RAD51B: variants seen among roughly 807,000 people sequenced by gnomAD.
RAD51B encodes the protein RAD51 paralog B.
In RAD51B, 38 loss-of-function variants were observed where a neutral mutation model predicts 42.2. That is an observed-to-expected ratio of 0.90 (90% CI 0.70 to 1.18). The LOEUF is 1.18. RAD51B is among the 50% of genes most tolerant of loss of function. RAD51B has a pLI of 0.00. For missense variants in RAD51B, 373 were observed against 400.7 expected (o/e 0.93, Z 0.59); for synonymous variants, 154 against 145.2 (o/e 1.06, Z -0.43).
chr14:68,499,534 T>A (rs1884776095), intron 10 of RAD51B, among the ~76,000 whole-genome samples: 1 of 152,180 alleles, frequency 6.6e-6, no homozygotes, highest in African/African-American at 2.4e-5. Flanking sequence ...AAAAGATACG[T>A]CCATGTCCTT....
intron 10 of RAD51B, among the ~76,000 whole-genome samples, chr14:68,503,892 A>G (rs1460504214): frequency 6.6e-6 from 1 of 152,206 alleles, no homozygotes; most frequent in Non-Finnish European, 1.5e-5. Flanking sequence ...TGAAATTAAT[A>G]GCTAACAAAG....
intron 7 of RAD51B, among the ~76,000 whole-genome samples, chr14:68,044,933 T>TA (rs1217859743): frequency 2.0e-5 from 3 of 152,036 alleles, no homozygotes; most frequent in African/African-American, 7.2e-5. Flanking sequence ...CTGATGCTAT[T>TA]ACGTTTTAGA....
At chr14:68,181,053 A>G (rs1321160918) in intron 7 of RAD51B, among the ~76,000 whole-genome samples, 1 of 152,208 alleles carries the variant, frequency 6.6e-6, no homozygotes, top group African/African-American at 2.4e-5. Context: ...AGTTACATCA[A>G]TGTTTGGATG....
At chr14:68,204,199 G>A (rs1394824224) in intron 7 of RAD51B, among the ~76,000 whole-genome samples, 3 of 152,202 alleles carry the variant, frequency 2.0e-5, no homozygotes, top group African/African-American at 4.8e-5. Flanking sequence ...TAAAATGAGA[G>A]AAGTGTGATT....
chr14:67,893,505 CACACAAA>C lies in RAD51B; in HGVS notation c.756+6303_756+6309del, dbSNP rs1317930340. 4.4e-4 allele frequency among the ~76,000 whole-genome samples: 44 copies of C among 100,204 alleles called. 1 individual carries two copies. Among genetic ancestry groups the C allele is most frequent in the African/African-American group, 2.1e-3 (42 of 20,204 alleles). 65.7% of individuals were successfully genotyped at this position (100,204 alleles called of 152,430 possible). On this transcript the variant is annotated intron_variant, in intron 7 of 10. Transcript: ENST00000471583. ...ACACACACACACACACACACACACA[CACACAAA>C]AAAAAACAATTAGCTGGGTGTGGTG...
At chr14:68,326,834 A>G (rs1374273035) in intron 8 of RAD51B, among the ~76,000 whole-genome samples, 2 of 152,186 alleles carry the variant, frequency 1.3e-5, no homozygotes, top group Non-Finnish European at 2.9e-5. Flanking sequence ...TAGTGCCCCT[A>G]GATTGAGAAG....
intron 10 of RAD51B, among the ~76,000 whole-genome samples, chr14:68,621,698 A>T (rs1341985426): frequency 1.3e-5 from 2 of 152,228 alleles, no homozygotes; most frequent in African/African-American, 4.8e-5. Flanking sequence ...CGGGAGAAAA[A>T]AATAAGCTCC....
intron 10 of RAD51B, chr14:68,650,727 T>G: frequency 1.4e-6 from 1 of 715,398 alleles, no homozygotes; most frequent in Non-Finnish European, 2.6e-6. Flanking sequence ...ATGAATCCTC[T>G]CAAAATAGGA....
chr14:68,375,445 C>T (rs1386622618), intron 8 of RAD51B, among the ~76,000 whole-genome samples: 5 of 152,114 alleles, frequency 3.3e-5, no homozygotes, highest in African/African-American at 4.8e-5. Context: ...TTATATGCAG[C>T]GTCCTCTGCC....
chr14:68,397,239 T>C (rs1035899817), intron 8 of RAD51B, among the ~76,000 whole-genome samples: 2 of 152,230 alleles, frequency 1.3e-5, no homozygotes, highest in Middle Eastern at 3.2e-3. Flanking sequence ...AACCCATAGT[T>C]CTGTCTCATT....
At chr14:68,047,028 G>A (rs1595314194) in intron 7 of RAD51B, among the ~76,000 whole-genome samples, 1 of 150,372 alleles carries the variant, frequency 6.7e-6, no homozygotes, top group Non-Finnish European at 1.5e-5. Flanking sequence ...TCACATCACA[G>A]TCTCACTGCT....
intron 8 of RAD51B, among the ~76,000 whole-genome samples, chr14:68,409,522 A>T (rs1216641175): frequency 6.6e-6 from 1 of 152,246 alleles, no homozygotes; most frequent in Non-Finnish European, 1.5e-5. Flanking sequence ...AAACAAAGGC[A>T]GAAAAAGGAA....
At chr14:68,350,972 G>C (rs1385094248) in intron 8 of RAD51B, among the ~76,000 whole-genome samples, 1 of 152,196 alleles carries the variant, frequency 6.6e-6, no homozygotes, top group Non-Finnish European at 1.5e-5. Flanking sequence ...GCTGGGAAAG[G>C]AATCCTTTCT....
chr14:68,492,404 G>A (rs1884149135), intron 10 of RAD51B, among the ~76,000 whole-genome samples: 1 of 152,162 alleles, frequency 6.6e-6, no homozygotes, highest in Non-Finnish European at 1.5e-5. Flanking sequence ...AGCACCTAGA[G>A]CAGTGTCAGG....
At chr14:68,163,622 CCTT>C (rs2078691153) in intron 7 of RAD51B, among the ~76,000 whole-genome samples, 1 of 152,184 alleles carries the variant, frequency 6.6e-6, no homozygotes, top group Non-Finnish European at 1.5e-5. Flanking sequence ...ATAACGCCTG[CCTT>C]CTTCTGTTTC....
At chr14:68,567,001 T>A (rs756509375) in intron 10 of RAD51B, among the ~76,000 whole-genome samples, 1 of 152,180 alleles carries the variant, frequency 6.6e-6, no homozygotes, top group Non-Finnish European at 1.5e-5. Context: ...CCTTCTTTTT[T>A]AAAAATTCAA....
At chr14:68,176,898 G>A (rs2078971669) in intron 7 of RAD51B, among the ~76,000 whole-genome samples, 1 of 152,110 alleles carries the variant, frequency 6.6e-6, no homozygotes, top group South Asian at 2.1e-4. Context: ...TGGGCCTGGG[G>A]CATATTAATC....
At chr14:68,308,717 A>AT (rs2081915105) in intron 8 of RAD51B, among the ~76,000 whole-genome samples, 1 of 150,564 alleles carries the variant, frequency 6.6e-6, no homozygotes, top group Non-Finnish European at 1.5e-5. Context: ...AAAAAAAAAA[A>AT]AAAAAAGGGC....
intron 8 of RAD51B, among the ~76,000 whole-genome samples, chr14:68,315,582 C>T (rs1052620545): frequency 4.5e-4 from 69 of 151,996 alleles, no homozygotes; most frequent in Admixed American, 7.9e-4. Flanking sequence ...AGTGCAGTGG[C>T]GTGATCTCTG....
Sources: allele counts gnomAD v4.1 joint callset (sites outside exome capture counted in the v4.1 genomes callset), GRCh38; gene constraint gnomAD v4.1.1; transcripts MANE v1.5; gene names NCBI Gene and HGNC (gene_info 2026-07-23, HGNC 2026-07-21).